The following VPS72 variants were observed in gnomAD, a reference collection of about 807,000 sequenced individuals.
The protein encoded by VPS72 is vacuolar protein sorting 72 homolog.
A neutral mutation model predicts 38.9 loss-of-function variants in VPS72; 27 were observed. That is an observed-to-expected ratio of 0.69 (90% CI 0.51 to 0.96). The LOEUF (loss-of-function observed/expected upper bound fraction) is 0.96, where lower values mean the gene tolerates loss of function less well. VPS72 is among the 40% of genes least tolerant of loss of function. The pLI is 0.00. For synonymous variants in VPS72, 173 were observed against 186.3 expected, an observed-to-expected ratio of 0.93 and a Z score of 0.58; for missense variants, 360 against 479.5, an observed-to-expected ratio of 0.75 and a Z score of 2.33.
rs372018679 is a variant in VPS72 at position 151,185,483 on chromosome 1, T to C, written c.385+23A>G. 4 of 1,608,808 alleles carry C rather than the reference T, an allele frequency of 2.5e-6. No individual in the cohort carries two copies. The African/African-American group carries it at 5.3e-5, about 22-fold the overall frequency. ...TATTATTATATTCCAATTTTGCCAA[T>C]TGACCCTAACATCCCTACTCACTGT... On this transcript the variant is annotated intron_variant, in intron 3 of 5. Coordinates refer to ENST00000368892, the MANE Select transcript of VPS72 (RefSeq NM_005997.3).
chr1:151,189,936 G>A (rs1201150387), intron 1 of VPS72, 69 bp downstream of exon 1: 1 of 1,529,390 alleles, frequency 6.5e-7, no homozygotes, highest in African/African-American at 1.4e-5. Context: ...CTTCTTCTTT[G>A]TCCGGGGTTT....
chr1:151,181,311 C>T (rs1478950696), intron 4 of VPS72, among the ~76,000 whole-genome samples: 1 of 150,118 alleles, frequency 6.7e-6, no homozygotes, highest in African/African-American at 2.5e-5. Flanking sequence ...GATCTCCACT[C>T]ACTGCAACCT....
At chr1:151,185,647 G>A in intron 2 of VPS72, 27 bp from the exon 3 acceptor site, 1 of 1,612,168 alleles carries the variant, frequency 6.2e-7, no homozygotes, top group Non-Finnish European at 8.5e-7. Context: ...ATCAGATACT[G>A]GGGAACAGAA....
chr1:151,178,311 G>A (rs770083639), intron 4 of VPS72, among the ~76,000 whole-genome samples, 166 bp from the exon 5 acceptor site: 1 of 152,094 alleles, frequency 6.6e-6, no homozygotes, highest in Non-Finnish European at 1.5e-5. Flanking sequence ...CTCCCATTTT[G>A]TAAGTTTTCT....
At chr1:151,188,911 A>ACCT (rs1201329910) in intron 1 of VPS72, among the ~76,000 whole-genome samples, 1 of 151,534 alleles carries the variant, frequency 6.6e-6, no homozygotes, top group East Asian at 1.9e-4. Flanking sequence ...GCTCACTGCA[A>ACCT]CCTCCTCCTC....
chr1:151,187,629 T>C (rs1684379311), intron 1 of VPS72, among the ~76,000 whole-genome samples: 1 of 152,228 alleles, frequency 6.6e-6, no homozygotes, highest in African/African-American at 2.4e-5. Flanking sequence ...GTATATCATC[T>C]ATGAAAACCA....
intron 4 of VPS72, among the ~76,000 whole-genome samples, chr1:151,182,880 GCTTT>G (rs1029655239): frequency 2.0e-5 from 3 of 152,044 alleles, no homozygotes; most frequent in African/African-American, 7.3e-5. Context: ...CTCACTCTGA[GCTTT>G]CTCCCTACAT....
At chr1:151,183,634 G>A (rs1342823622) in intron 4 of VPS72, among the ~76,000 whole-genome samples, 1 of 151,414 alleles carries the variant, frequency 6.6e-6, no homozygotes, top group African/African-American at 2.4e-5. Context: ...GCTAATTTTT[G>A]TATTTTTGGT....
chr1:151,182,364 C>G lies in VPS72; in HGVS notation c.562+1953G>C, dbSNP rs1265009310. Among the ~76,000 whole-genome samples the G allele has an allele frequency of 5.3e-5, 8 of 152,260 alleles. No individual in the cohort carries two copies. The South Asian group carries it at 1.4e-3, about 28-fold the overall frequency. ...CTTTCTCCCTTCCCCCATCTGAAGC[C>G]AATTCCTCCACCATGCTGCTCTGGT... On this transcript the variant is annotated intron_variant, in intron 4 of 5. Transcript: ENST00000368892.
Position 151,176,430 on chromosome 1 carries a change from G to C in VPS72, c.*214C>G. 1 of 717,866 alleles carries C rather than the reference G, an allele frequency of 1.4e-6. No individual in the cohort carries two copies. Among genetic ancestry groups the C allele is most frequent in the South Asian group, 2.2e-5 (1 of 46,018 alleles). 44.5% of individuals were successfully genotyped at this position (717,866 alleles called of 1,614,324 possible). A position where few individuals can be genotyped will look rare whatever the true frequency, so the allele number is the denominator to read the frequency against. On this transcript the variant is annotated 3_prime_UTR_variant, in exon 6 of 6. Transcript: ENST00000368892. ...ATATGCAGGTATTCAAATACTTCTT[G>C]CTCCCAACCCTAGACTGGACACCAG...
intron 4 of VPS72, among the ~76,000 whole-genome samples, chr1:151,181,791 C>T (rs1184075233): frequency 6.6e-6 from 1 of 152,188 alleles, no homozygotes; most frequent in African/African-American, 2.4e-5. Context: ...CCAGCTGTAT[C>T]CTTAATGTTT....
intron 1 of VPS72, among the ~76,000 whole-genome samples, chr1:151,189,699 G>T (rs1360054031): frequency 6.6e-6 from 1 of 152,154 alleles, no homozygotes; most frequent in African/African-American, 2.4e-5. Flanking sequence ...CTGGACGTCA[G>T]AAGTACAGTG....
chr1:151,177,108 T>C (rs1424068920), intron 5 of VPS72, 77 bp from the exon 6 acceptor site: 6 of 1,431,070 alleles, frequency 4.2e-6, no homozygotes, highest in Non-Finnish European at 3.7e-6. Context: ...GAAATCAGGC[T>C]GGGTGCAGTG....
chr1:151,177,068 A>T, intron 5 of VPS72, 37 bp from the exon 6 acceptor site: 5 of 1,514,922 alleles, frequency 3.3e-6, no homozygotes, highest in Non-Finnish European at 4.4e-6. Flanking sequence ...CAAAGAGCTG[A>T]GGAGAGAAGA....
At chr1:151,179,492 G>A (rs1179129024) in intron 4 of VPS72, among the ~76,000 whole-genome samples, 5 of 152,088 alleles carry the variant, frequency 3.3e-5, no homozygotes, top group Non-Finnish European at 5.9e-5. Context: ...CCAGCTACTC[G>A]GGAGGCTGGG....
chr1:151,185,479 C>A (rs774648363), intron 3 of VPS72, 27 bp downstream of exon 3: 1 of 1,602,108 alleles, frequency 6.2e-7, no homozygotes, highest in Non-Finnish European at 8.6e-7. Flanking sequence ...TCCAATTTTG[C>A]CAATTGACCC....
In VPS72 at chr1:151,187,239, G is replaced by GA. The variant is rs142404627; in HGVS notation, c.118-1290dup. 7.3e-3 allele frequency among the ~76,000 whole-genome samples: 1,118 copies of GA among 152,244 alleles called. 24 individuals are homozygous for GA. Among genetic ancestry groups the GA allele is most frequent in the African/African-American group, 0.026 (1,081 of 41,536 alleles). On this transcript the variant is annotated intron_variant, in intron 1 of 5. Coordinates refer to ENST00000368892, the MANE Select transcript of VPS72 (RefSeq NM_005997.3). ...GGAAAAAAGCCACTTGAGGGAGAGG[G>GA]AGTCAACTGGGCTGGCTGACACCTC...
Position 151,177,022 on chromosome 1 carries a change from A to G in VPS72, c.717T>C (p.Pro239=), listed in dbSNP as rs1196045575. 1.3e-6 allele frequency: 2 copies of G among 1,564,990 alleles called. No homozygotes were observed. Among genetic ancestry groups the G allele is most frequent in the Admixed American group, 3.6e-5 (2 of 54,854 alleles). ...EENVDIEGLD[P]APSVSALTPH... ...GAGTCAATGCAGACACCGAGGGAGC[A>G]GGATCAAGTCTGAGGACAAAAGACA... Residue 239 remains proline, a synonymous_variant, in exon 6 of 6, where the codon CCT becomes CCC. Coordinates refer to ENST00000368892, the MANE Select transcript of VPS72 (RefSeq NM_005997.3).
rs144454139 is a variant in VPS72, at chr1:151,185,882, G to A, written c.186C>T (p.Asp62=). 6.2e-6 allele frequency: 10 copies of A among 1,613,952 alleles called. No individual in the cohort carries two copies. Among genetic ancestry groups the A allele is most frequent in the African/African-American group, 5.3e-5 (4 of 74,870 alleles). ...TGGATGGTTCATCCCCTTCATCAAT[G>A]TCAAAGTCAGAGTCCACTTCGTCCT... The part of the protein sequence containing the change: ...DTEDEVDSDF[D]IDEGDEPSSD... The change falls in exon 2 of 6, where the codon GAC becomes GAT. Residue 62 remains aspartate (D), a synonymous_variant. Coordinates refer to ENST00000368892, the MANE Select transcript of VPS72 (RefSeq NM_005997.3).
Sources: allele counts gnomAD v4.1 joint callset (sites outside exome capture counted in the v4.1 genomes callset), GRCh38; gene constraint gnomAD v4.1.1; transcripts MANE v1.5; gene names NCBI Gene and HGNC (gene_info 2026-07-23, HGNC 2026-07-21).